GRID2: variants seen among roughly 807,000 people sequenced by gnomAD.
GRID2 encodes the protein glutamate ionotropic receptor delta type subunit 2.
In GRID2, 33 loss-of-function variants were observed where a neutral mutation model predicts 114.8. The observed-to-expected ratio is 0.29, with a 90% CI of 0.22 to 0.38. The LOEUF is 0.38. GRID2 is among the 10% of genes least tolerant of loss of function. The pLI, the probability that GRID2 is intolerant of heterozygous loss-of-function variation, is 1.00. For missense variants in GRID2, 1,184 were observed against 1,257.7 expected, an observed-to-expected ratio of 0.94 and a Z score of 0.89; for synonymous variants, 505 against 449.9, an observed-to-expected ratio of 1.12 and a Z score of -1.55.
At chr4:92,627,101 C>T (rs1730559040) in intron 2 of GRID2, among the ~76,000 whole-genome samples, 1 of 151,880 alleles carries the variant, frequency 6.6e-6, no homozygotes, top group Non-Finnish European at 1.5e-5. Flanking sequence ...TTTGCAGAAT[C>T]AACAATAGAG....
At chr4:93,174,941 G>T (rs987221704) in intron 4 of GRID2, among the ~76,000 whole-genome samples, 8 of 152,048 alleles carry the variant, frequency 5.3e-5, no homozygotes, top group African/African-American at 1.9e-4. Flanking sequence ...TCATGTGCAG[G>T]TTTTTGTGTG....
At position 93,679,320 on chromosome 4, in the gene GRID2, A is replaced by T. The variant is rs1184255456; in HGVS notation, c.2360+52885A>T. ...ACAAAGAGACTTAGACTCCCACCCA[A>T]TAATAATGGGAGGCTTTAACACCCC... On this transcript the variant is annotated intron_variant, in intron 14 of 15. Coordinates refer to ENST00000282020, the MANE Select transcript of GRID2 (RefSeq NM_001510.4). Among the ~76,000 whole-genome samples the T allele has an allele frequency of 2.0e-5, 3 of 150,978 alleles. 1 individual carries two copies. The highest frequency in any genetic ancestry group is 1.5e-5 in the Non-Finnish European group (1 of 67,824).
At chr4:93,549,445 G>T (rs867052478) in intron 13 of GRID2, among the ~76,000 whole-genome samples, 5 of 152,160 alleles carry the variant, frequency 3.3e-5, no homozygotes, top group Non-Finnish European at 7.3e-5. Flanking sequence ...TTTTCAACAA[G>T]CTTAAATATT....
intron 12 of GRID2, among the ~76,000 whole-genome samples, chr4:93,500,972 T>C (rs1025231148): frequency 3.2e-4 from 48 of 152,148 alleles, no homozygotes; most frequent in Non-Finnish European, 2.2e-4. Context: ...TGGAATACTA[T>C]TCTACTTGTT....
At chr4:92,746,100 C>G (rs563531349) in intron 2 of GRID2, among the ~76,000 whole-genome samples, 2 of 152,014 alleles carry the variant, frequency 1.3e-5, no homozygotes, top group African/African-American at 2.4e-5. Context: ...TAGTAACCTA[C>G]AATGATTTCA....
In GRID2 at chr4:93,002,205, T is replaced by G. The variant is rs188181041; in HGVS notation, c.245-82790T>G. Among the ~76,000 whole-genome samples, 474 of 151,904 alleles carry G rather than the reference T, an allele frequency of 3.1e-3. 1 individual carries two copies. Among genetic ancestry groups the G allele is most frequent in the Non-Finnish European group, 4.4e-3 (300 of 67,804 alleles). On this transcript the variant is annotated intron_variant, in intron 2 of 15. Coordinates refer to ENST00000282020, the MANE Select transcript of GRID2 (RefSeq NM_001510.4). ...AAAAATTATGATAATTTTATCCTTT[T>G]TTTCTGCTATATGTGAAAAATGACA...
chr4:92,928,804 T>C (rs188346674), intron 2 of GRID2, among the ~76,000 whole-genome samples: 3 of 151,588 alleles, frequency 2.0e-5, no homozygotes, highest in Non-Finnish European at 4.4e-5. Flanking sequence ...CTAGTGATTT[T>C]GTGGTTTACA....
At chr4:93,421,695 G>A (rs1768303217) in intron 9 of GRID2, among the ~76,000 whole-genome samples, 1 of 152,090 alleles carries the variant, frequency 6.6e-6, no homozygotes, top group Non-Finnish European at 1.5e-5. Flanking sequence ...TTATCTCATA[G>A]CAATTTTTAG....
chr4:93,581,120 C>G (rs111481639), intron 13 of GRID2, among the ~76,000 whole-genome samples: 5,577 of 148,154 alleles, frequency 0.038, 123 homozygotes, highest in African/African-American at 0.063. Context: ...AACAGCCCCC[C>G]GTGTGTAGTG....
intron 1 of GRID2, among the ~76,000 whole-genome samples, chr4:92,387,729 A>G (rs182348527): frequency 4.9e-4 from 74 of 152,148 alleles, no homozygotes; most frequent in African/African-American, 1.6e-3. Flanking sequence ...GAGATGATAG[A>G]TTACCTATTT....
chr4:93,797,161 C>T (rs950371208), intron 1 of GRID2, among the ~76,000 whole-genome samples: 9 of 152,118 alleles, frequency 5.9e-5, no homozygotes, highest in Admixed American at 5.2e-4. Flanking sequence ...CTTACAGGAC[C>T]ACCATTGTAT....
chr4:93,040,309 A>G (rs574393098), intron 2 of GRID2, among the ~76,000 whole-genome samples: 3 of 152,034 alleles, frequency 2.0e-5, no homozygotes, highest in East Asian at 1.9e-4. Context: ...GAAAGAAAAC[A>G]TCACTAACAA....
At chr4:92,547,752 A>C (rs777009962) in intron 1 of GRID2, among the ~76,000 whole-genome samples, 1 of 152,026 alleles carries the variant, frequency 6.6e-6, no homozygotes, top group Admixed American at 6.6e-5. Context: ...TCTCACACAT[A>C]ATTTGATATT....
chr4:92,593,050 T>G (rs540274853), intron 2 of GRID2, among the ~76,000 whole-genome samples: 7 of 152,142 alleles, frequency 4.6e-5, no homozygotes, highest in African/African-American at 1.4e-4. Flanking sequence ...TGTTTTCATT[T>G]TTTTACAGTC....
chr4:93,683,475 A>G (rs1185085137), intron 14 of GRID2, among the ~76,000 whole-genome samples: 1 of 152,056 alleles, frequency 6.6e-6, no homozygotes, highest in Non-Finnish European at 1.5e-5. Context: ...CTTACTGTAA[A>G]TGCATGTGAT....
At chr4:93,593,155 G>A (rs1738591970) in intron 13 of GRID2, among the ~76,000 whole-genome samples, 1 of 151,108 alleles carries the variant, frequency 6.6e-6, no homozygotes, top group South Asian at 2.1e-4. Flanking sequence ...AGTCTCGATG[G>A]GCTTTACATT....
At chr4:92,879,884 A>C (rs910944427) in intron 2 of GRID2, among the ~76,000 whole-genome samples, 1 of 152,212 alleles carries the variant, frequency 6.6e-6, no homozygotes, top group Non-Finnish European at 1.5e-5. Context: ...GAGCTTTTGA[A>C]TCTCATAGTG....
chr4:93,142,125 G>A (rs1347909703), intron 4 of GRID2, among the ~76,000 whole-genome samples: 9 of 152,262 alleles, frequency 5.9e-5, no homozygotes, highest in Non-Finnish European at 8.8e-5. Context: ...GAGGCATGAG[G>A]ATGGCTTGAG....
intron 2 of GRID2, among the ~76,000 whole-genome samples, chr4:92,706,962 A>G (rs767051498): frequency 6.6e-6 from 1 of 152,156 alleles, no homozygotes; most frequent in Non-Finnish European, 1.5e-5. Context: ...TATCATTTTT[A>G]TAGCCATCAC....
Sources: allele counts gnomAD v4.1 joint callset (sites outside exome capture counted in the v4.1 genomes callset), GRCh38; gene constraint gnomAD v4.1.1; transcripts MANE v1.5; gene names NCBI Gene and HGNC (gene_info 2026-07-23, HGNC 2026-07-21).